The following NPR3 variants were observed in gnomAD, a reference collection of about 807,000 sequenced individuals.
The protein encoded by NPR3 is atrial natriuretic peptide receptor 3.
NPR3 carries 34 observed loss-of-function variants against 54.5 expected under a neutral mutation model. The ratio of observed to expected loss-of-function variants is 0.62; its 90% CI spans 0.47 to 0.83. The LOEUF (loss-of-function observed/expected upper bound fraction) is 0.83, where lower values mean the gene tolerates loss of function less well. NPR3 is among the 40% of genes least tolerant of loss of function. The pLI is 0.00. For synonymous variants in NPR3, 289 were observed against 297.1 expected, an observed-to-expected ratio of 0.97 and a Z score of 0.28; for missense variants, 674 against 720.8, an observed-to-expected ratio of 0.94 and a Z score of 0.74.
chr5:32,753,688 G>A (rs1740693347), intron 3 of NPR3, among the ~76,000 whole-genome samples: 1 of 141,262 alleles, frequency 7.1e-6, no homozygotes, highest in Non-Finnish European at 1.5e-5. Flanking sequence ...AACATTAGAG[G>A]TTCAGTAGAG....
chr5:32,743,386 C>A (rs890418235), intron 3 of NPR3, among the ~76,000 whole-genome samples: 4 of 150,496 alleles, frequency 2.7e-5, no homozygotes, highest in African/African-American at 9.8e-5. Context: ...TACCTATACT[C>A]TTTGTATGTG....
chr5:32,712,148 G>C lies in NPR3; in HGVS notation c.372G>C (p.Arg124=). The C allele has an allele frequency of 6.2e-7, 1 of 1,613,402 alleles. No homozygotes were observed. Among genetic ancestry groups the C allele is most frequent in the Non-Finnish European group, 8.5e-7 (1 of 1,179,784 alleles). Residue 124 remains arginine, a synonymous_variant, in exon 1 of 8, where the codon CGG becomes CGC. Transcript: ENST00000265074. ...TGGTGGACCGCGTGGCGGCGGCGCG[G>C]GGCGCCAAGCCAGACCTTATCCTGG... The part of the protein sequence containing the change: ...FSLVDRVAAA[R]GAKPDLILGP...
At chr5:32,750,414 A>G (rs969223609) in intron 3 of NPR3, among the ~76,000 whole-genome samples, 3 of 151,936 alleles carry the variant, frequency 2.0e-5, no homozygotes, top group African/African-American at 4.8e-5. Flanking sequence ...GGGATTACAA[A>G]CGGGAGCCAC....
chr5:32,721,821 G>C (rs1738879828), intron 1 of NPR3, among the ~76,000 whole-genome samples: 1 of 152,166 alleles, frequency 6.6e-6, no homozygotes, highest in Non-Finnish European at 1.5e-5. Context: ...GGTTCTAGAG[G>C]CTAGGAAGTC....
intron 3 of NPR3, among the ~76,000 whole-genome samples, chr5:32,745,009 G>A (rs979221179): frequency 8.5e-5 from 13 of 152,220 alleles, no homozygotes; most frequent in African/African-American, 1.9e-4. Context: ...TAGAAAGTAC[G>A]TCAAATCAAA....
upstream of NPR3, chr5:32,709,460 A>G (rs561539640): frequency 2.0e-5 from 3 of 151,180 alleles, no homozygotes; most frequent in Non-Finnish European, 4.4e-5. Flanking sequence ...CCTTCTGCAA[A>G]TTCAGGAAAG....
intron 3 of NPR3, among the ~76,000 whole-genome samples, chr5:32,764,194 A>G (rs543313509): frequency 4.9e-4 from 75 of 152,184 alleles, no homozygotes; most frequent in African/African-American, 1.8e-3. Flanking sequence ...GGGATTTACC[A>G]TGGACAGCAG....
intron 3 of NPR3, among the ~76,000 whole-genome samples, chr5:32,744,962 T>C (rs894550332): frequency 1.3e-5 from 2 of 152,178 alleles, no homozygotes; most frequent in African/African-American, 4.8e-5. Flanking sequence ...CCAAAGTACC[T>C]ATTATTATTA....
chr5:32,694,584 T>C (rs149912517), intron 1 of NPR3, among the ~76,000 whole-genome samples: 54 of 152,358 alleles, frequency 3.5e-4, no homozygotes, highest in Non-Finnish European at 5.9e-4. Flanking sequence ...ACAGAGTAGG[T>C]ATATATGTTT....
In NPR3 at chr5:32,786,727, C is replaced by A. The variant is rs1043503365; in HGVS notation, c.*382C>A. 2 of 190,664 alleles carry A rather than the reference C, an allele frequency of 1.0e-5. No individual in the cohort carries two copies. The highest frequency in any genetic ancestry group is 1.1e-5 in the Non-Finnish European group (1 of 95,204). The allele number at this position is 190,664 out of a possible 1,614,324, so 11.8% of individuals were successfully genotyped here. The stretch of plus-strand genomic sequence containing the variant: ...AAATGTTTTGTAGCTAGAATAAAAT[C>A]ATTTTTACAAGTACAGCATTCTTGG... On this transcript the variant is annotated 3_prime_UTR_variant, in exon 8 of 8. Transcript: ENST00000265074.
intron 3 of NPR3, among the ~76,000 whole-genome samples, chr5:32,742,044 T>C (rs1579639493): frequency 6.6e-6 from 1 of 151,934 alleles, no homozygotes; most frequent in African/African-American, 2.4e-5. Context: ...TCTAGTGTGG[T>C]GCGGGAGCCT....
intron 3 of NPR3, among the ~76,000 whole-genome samples, chr5:32,750,932 AG>A (rs1740544212): frequency 6.6e-6 from 1 of 152,192 alleles, no homozygotes; most frequent in Admixed American, 6.5e-5. Context: ...GGTGTCTTGC[AG>A]GTTTGTCATC....
chr5:32,782,259 A>T (rs942829904), intron 5 of NPR3, among the ~76,000 whole-genome samples: 2 of 152,134 alleles, frequency 1.3e-5, no homozygotes, highest in African/African-American at 4.8e-5. Context: ...TTCCTGAAAG[A>T]CGCTCTTTAA....
chr5:32,699,078 G>A (rs1740604503), intron 1 of NPR3, among the ~76,000 whole-genome samples: 1 of 152,122 alleles, frequency 6.6e-6, no homozygotes, highest in Non-Finnish European at 1.5e-5. Context: ...TCCTTTTAGT[G>A]AGGGTGATTT....
At chr5:32,749,697 C>T (rs368604677) in intron 3 of NPR3, among the ~76,000 whole-genome samples, 1 of 152,138 alleles carries the variant, frequency 6.6e-6, no homozygotes, top group South Asian at 2.1e-4. Context: ...GAAAGTCTCA[C>T]CTTTAGGACT....
upstream of NPR3, chr5:32,709,491 T>C (rs1738100709): frequency 6.6e-6 from 1 of 151,976 alleles, no homozygotes; most frequent in Admixed American, 6.6e-5. Context: ...TGTGGAGCAC[T>C]AAATCTCAAT....
chr5:32,751,449 C>CTG (rs2111982532), intron 3 of NPR3, among the ~76,000 whole-genome samples: 1 of 152,328 alleles, frequency 6.6e-6, no homozygotes, highest in African/African-American at 2.4e-5. Context: ...AGGGTCCTGA[C>CTG]TGTGGCCAAG....
At chr5:32,717,246 C>T (rs1561080075) in intron 1 of NPR3, among the ~76,000 whole-genome samples, 1 of 152,212 alleles carries the variant, frequency 6.6e-6, no homozygotes, top group Non-Finnish European at 1.5e-5. Flanking sequence ...TTAATCCAGT[C>T]TGTCACTGAT....
chr5:32,732,218 G>A (rs955082084), intron 2 of NPR3, among the ~76,000 whole-genome samples: 10 of 137,198 alleles, frequency 7.3e-5, no homozygotes, highest in South Asian at 2.3e-4. Flanking sequence ...TCCGCAGTCC[G>A]GCCTGGGCGA....
Sources: allele counts gnomAD v4.1 joint callset (sites outside exome capture counted in the v4.1 genomes callset), GRCh38; gene constraint gnomAD v4.1.1; transcripts MANE v1.5; gene names NCBI Gene and HGNC (gene_info 2026-07-23, HGNC 2026-07-21).